ARHGEF9: variants seen among roughly 807,000 people sequenced by gnomAD.
ARHGEF9 encodes the protein rho guanine nucleotide exchange factor 9.
Under a neutral mutation model 41.3 loss-of-function variants are expected in ARHGEF9, and 2 were observed. The ratio of observed to expected loss-of-function variants is 0.05; its 90% CI spans 0.02 to 0.15. ARHGEF9 has a LOEUF of 0.15. Ranked by LOEUF, ARHGEF9 falls within the 10% of genes least tolerant of loss-of-function variation. ARHGEF9 has a pLI of 1.00. For missense variants in ARHGEF9, 225 were observed against 424.7 expected (o/e 0.53, Z 4.13); for synonymous variants, 160 against 154.4 (o/e 1.04, Z -0.27).
intron 9 of ARHGEF9, chrX:63,639,481 AACAATAGT>A (rs1556303229): frequency 1.8e-5 from 2 of 111,972 alleles, no homozygotes; most frequent in African/African-American, 6.5e-5. Flanking sequence ...CATTTTGCAA[AACAATAGT>A]ACAATAGTAC....
intron 1 of ARHGEF9, among the ~76,000 whole-genome samples, chrX:63,748,164 T>C (rs1408356843): frequency 8.0e-5 from 9 of 112,245 alleles, no homozygotes; most frequent in African/African-American, 1.3e-4. Flanking sequence ...TCTGCACTGG[T>C]TGACCAGATA....
In ARHGEF9 at chrX:63,665,943, G is replaced by A; in HGVS notation, c.1020C>T (p.Gly340=). The change falls in exon 7 of 10, where the codon GGC becomes GGT. Residue 340 remains glycine (G), a synonymous_variant. Transcript: ENST00000671741. ...GGAAGAAGACCCGCTGCTGGTTGCG[G>A]CCGTAGGGCTGGTAGATCCAGGCCA... ...GEMAWIYQPY[G]RNQQRVFFLF... 1 of 1,210,715 alleles carries A rather than the reference G, an allele frequency of 8.3e-7. No individual in the cohort carries two copies. The highest frequency in any genetic ancestry group is 1.1e-6 in the Non-Finnish European group (1 of 895,308).
At position 63,724,002 on chromosome X, in the gene ARHGEF9, G is replaced by A. The variant is rs781817821; in HGVS notation, c.210+530C>T. ...AGTAAGCTCTAGCGCCTGGGGGGCA[G>A]GGAGCTCACACTCTTATATTAACAT... On this transcript the variant is annotated intron_variant, in intron 2 of 9. Coordinates refer to ENST00000671741, the MANE Select transcript of ARHGEF9 (RefSeq NM_001353921.2). Among the ~76,000 whole-genome samples, 4 of 112,223 alleles carry A rather than the reference G, an allele frequency of 3.6e-5. No individual in the cohort carries two copies. In the Admixed American group the frequency reaches 3.8e-4, roughly 11 times the overall value.
intron 1 of ARHGEF9, among the ~76,000 whole-genome samples, chrX:63,740,336 C>T (rs1556425633): frequency 3.6e-5 from 4 of 111,797 alleles, no homozygotes; most frequent in Admixed American, 9.5e-5. Flanking sequence ...TTTTTTTTGG[C>T]CTTTGCTGTC....
chrX:63,766,058 T>C (rs139698308), intron 1 of ARHGEF9, among the ~76,000 whole-genome samples: 132 of 112,488 alleles, frequency 1.2e-3, no homozygotes, highest in African/African-American at 4.2e-3. Flanking sequence ...TTTTTCTCCT[T>C]AGAATGTAAA....
Position 63,724,666 on chromosome X carries a change from G to A in ARHGEF9, c.76C>T (p.His26Tyr), listed in dbSNP as rs1569491711. The A allele has an allele frequency of 1.7e-6, 2 of 1,211,579 alleles. No homozygotes were observed. The highest frequency in any genetic ancestry group is 2.2e-6 in the Non-Finnish European group (2 of 895,451). ...AACTCCCGGTTGGCCATGGTGACGT[G>A]ATCCCATACTGCCTCAGCACTAACG... ...SIVSAEAVWD[H>Y]VTMANRELAF... Residue 26 changes from histidine (H) to tyrosine (Y), a missense_variant, in exon 2 of 10, where the codon CAC becomes TAC. Around this residue, in one of 3 missense-constraint regions of ARHGEF9, gnomAD observed 114 missense variants for 197.9 expected, o/e 0.58. Transcript: ENST00000671741.
intron 8 of ARHGEF9, among the ~76,000 whole-genome samples, chrX:63,645,726 C>T (rs1366576147): frequency 8.0e-4 from 89 of 111,650 alleles, no homozygotes; most frequent in African/African-American, 2.6e-3. Context: ...TGATTTATAA[C>T]CCTTTGGGTA....
chrX:63,716,452 T>C (rs1556410238), intron 2 of ARHGEF9, among the ~76,000 whole-genome samples: 1 of 111,626 alleles, frequency 9.0e-6, no homozygotes, highest in Non-Finnish European at 1.9e-5. Flanking sequence ...ACCTCCCTTA[T>C]GCATAAGTTT....
At chrX:63,685,266 A>G (rs2050912865) in intron 4 of ARHGEF9, among the ~76,000 whole-genome samples, 1 of 111,518 alleles carries the variant, frequency 9.0e-6, no homozygotes, top group African/African-American at 3.3e-5. Context: ...TCAAATTTTA[A>G]AAGGTCAAAA....
At chrX:63,768,859 C>T in intron 1 of ARHGEF9, among the ~76,000 whole-genome samples, 1 of 112,086 alleles carries the variant, frequency 8.9e-6, no homozygotes, top group Middle Eastern at 4.6e-3. Context: ...TAAGACCTCC[C>T]CAGCCATGTG....
intron 1 of ARHGEF9, among the ~76,000 whole-genome samples, chrX:63,745,895 T>G (rs1193092268): frequency 8.9e-6 from 1 of 112,225 alleles, no homozygotes. Context: ...CCTGGAACTT[T>G]AGACTCTGTC....
At chrX:63,662,553 A>G (rs1413803364) in intron 7 of ARHGEF9, among the ~76,000 whole-genome samples, 1 of 112,159 alleles carries the variant, frequency 8.9e-6, no homozygotes, top group Non-Finnish European at 1.9e-5. Flanking sequence ...AATGGTAATA[A>G]TGACATAAAT....
At chrX:63,660,937 C>A (rs1170162108) in intron 7 of ARHGEF9, among the ~76,000 whole-genome samples, 1 of 111,825 alleles carries the variant, frequency 8.9e-6, no homozygotes, top group Admixed American at 9.5e-5. Flanking sequence ...AGCACCCATG[C>A]TCTTAACCCC....
intron 8 of ARHGEF9, among the ~76,000 whole-genome samples, chrX:63,644,612 C>T (rs2047872766): frequency 2.7e-5 from 3 of 110,007 alleles, no homozygotes; most frequent in African/African-American, 9.9e-5. Context: ...TACATATTGA[C>T]TAGTATAATT....
At chrX:63,674,481 A>G (rs2147310392) in intron 5 of ARHGEF9, among the ~76,000 whole-genome samples, 1 of 112,295 alleles carries the variant, frequency 8.9e-6, no homozygotes, top group African/African-American at 3.2e-5. Flanking sequence ...ACCTGAGAGG[A>G]GCGGCTGGCC....
chrX:63,669,673 C>T (rs374803069), intron 6 of ARHGEF9, among the ~76,000 whole-genome samples: 4 of 111,536 alleles, frequency 3.6e-5, no homozygotes, highest in Admixed American at 9.5e-5. Context: ...GTCTGGAATT[C>T]TGTGCCCCAA....
intron 1 of ARHGEF9, among the ~76,000 whole-genome samples, chrX:63,774,537 T>C (rs367891687): frequency 0.02 from 2,174 of 111,441 alleles, 47 homozygotes; most frequent in African/African-American, 0.067. Context: ...AATTACAGGC[T>C]CCAGCCACAC....
chrX:63,703,239 C>T (rs2052305987), intron 3 of ARHGEF9: 1 of 111,973 alleles, frequency 8.9e-6, no homozygotes, highest in Admixed American at 9.5e-5. Context: ...ATTGGGTTGG[C>T]TGGATTGGAA....
At chrX:63,720,782 G>T (rs1249724832) in intron 2 of ARHGEF9, among the ~76,000 whole-genome samples, 3 of 112,412 alleles carry the variant, frequency 2.7e-5, no homozygotes, top group African/African-American at 9.7e-5. Context: ...TCCTACAGAT[G>T]TGTTTTGTTT....
Sources: gnomAD v4.1 joint callset for allele counts (sites outside exome capture counted in the v4.1 genomes callset) on GRCh38, gnomAD v4.1.1 for gene constraint, gnomAD v4.1.1 regional missense constraint, MANE v1.5 for transcripts, NCBI Gene and HGNC (gene_info 2026-07-23, HGNC 2026-07-21) for gene names.